Variants in WDR53 observed in about 807,000 individuals in gnomAD.
WDR53 encodes the protein WD repeat-containing protein 53.
Under a neutral mutation model 21.3 loss-of-function variants are expected in WDR53, and 19 were observed. That is an observed-to-expected ratio of 0.89 (90% CI 0.62 to 1.31). The LOEUF (loss-of-function observed/expected upper bound fraction) is 1.31. WDR53 is among the 50% of genes most tolerant of loss of function. The pLI is 0.00. For missense variants in WDR53, 374 were observed against 423.2 expected (o/e 0.88, Z 1.02); for synonymous variants, 157 against 163.4 (o/e 0.96, Z 0.30).
chr3:196,559,812 A>G (rs2108689210), intron 3 of WDR53, among the ~76,000 whole-genome samples: 1 of 152,340 alleles, frequency 6.6e-6, no homozygotes, highest in South Asian at 2.1e-4. Flanking sequence ...CTTTGGAGCC[A>G]GAGAGATTGA....
At chr3:196,567,404 G>C in intron 1 of WDR53, 97 bp from the exon 2 acceptor site, 1 of 354,666 alleles carries the variant, frequency 2.8e-6, no homozygotes, top group South Asian at 2.1e-5. Context: ...TGAATCAGAG[G>C]GTAGGGAAGG....
Position 196,564,397 on chromosome 3 carries a change from T to TC in WDR53, c.-17+2479_-17+2480insG, listed in dbSNP as rs1553872895. 5.9e-4 allele frequency among the ~76,000 whole-genome samples: 77 copies of TC among 129,648 alleles called. 4 individuals carry two copies. The highest frequency in any genetic ancestry group is 2.2e-3 in the Admixed American group (29 of 13,312). The allele number at this position is 129,648 out of a possible 152,430, so 85.1% of individuals were successfully genotyped here. On this transcript the variant is annotated intron_variant, in intron 2 of 3. Coordinates refer to ENST00000332629, the MANE Select transcript of WDR53 (RefSeq NM_182627.3). ...GATTTCAATTTTTTTTCTTTTTTCT[T>TC]TTTTTTTTTTTTTTGAGACAGGGTC...
rs773453245 is a variant in WDR53, at chr3:196,561,095, T to C, written c.381A>G (p.Lys127=). ...AATGTCTCTTCAAGGATCTGATAACTTTCTTGTTTTCCAAGTCTAGGATTT... is the reference window on the plus strand; with the variant it reads ...AATGTCTCTTCAAGGATCTGATAACCTTCTTGTTTTCCAAGTCTAGGATTT... The part of the protein sequence containing the change: ...AIKILDLENK[K]VIRSLKRHSN... Residue 127 remains lysine (K), a synonymous_variant, in exon 3 of 4, where the codon AAA becomes AAG. Coordinates refer to ENST00000332629, the MANE Select transcript of WDR53 (RefSeq NM_182627.3). The C allele has an allele frequency of 6.2e-7, 1 of 1,614,246 alleles. No individual in the cohort carries two copies. The highest frequency in any genetic ancestry group is 1.6e-4 in the Middle Eastern group (1 of 6,062).
intron 3 of WDR53, among the ~76,000 whole-genome samples, chr3:196,559,158 G>A (rs905020364): frequency 1.3e-5 from 2 of 152,222 alleles, no homozygotes; most frequent in Non-Finnish European, 2.9e-5. Context: ...ATGACAGAAT[G>A]ACTACTCAAA....
At position 196,554,329 on chromosome 3, in the gene WDR53, T is replaced by C. The variant is rs1168122250; in HGVS notation, c.959A>G (p.Asn320Ser). The C allele has an allele frequency of 6.2e-7, 1 of 1,614,084 alleles. No individual in the cohort carries two copies. The highest frequency in any genetic ancestry group is 1.3e-5 in the African/African-American group (1 of 74,930). ...GTTCACTTTTTCTCCATGTTCAATA[T>C]TTAGCTTTGGTAAAATGTTGCCATG... is the stretch of plus-strand genomic sequence containing the variant. ...EEHGNILPKL[N>S]IEHGEKVNWL... The change falls in exon 4 of 4, where the codon AAT becomes AGT. Residue 320 changes from asparagine to serine, a missense_variant. Physicochemically the swap from Asn to Ser is conservative, Grantham distance 46 (BLOSUM62 1). Coordinates refer to ENST00000332629, the MANE Select transcript of WDR53 (RefSeq NM_182627.3).
chr3:196,568,167 G>A (rs992027916), intron 1 of WDR53, among the ~76,000 whole-genome samples: 36 of 152,164 alleles, frequency 2.4e-4, no homozygotes, highest in Non-Finnish European at 4.6e-4. Context: ...GTTTGGGCGA[G>A]GGGGTGTTCA....
At chr3:196,563,894 T>G (rs1735120601) in intron 2 of WDR53, among the ~76,000 whole-genome samples, 1 of 152,114 alleles carries the variant, frequency 6.6e-6, no homozygotes, top group Non-Finnish European at 1.5e-5. Flanking sequence ...TAGTCACACA[T>G]ACGATCACTA....
chr3:196,561,976 T>C (rs7626039), intron 2 of WDR53, among the ~76,000 whole-genome samples: 68,241 of 151,976 alleles, frequency 0.45, 15,949 homozygotes, highest in Middle Eastern at 0.53. Context: ...AGGATAATAA[T>C]GACACTCATT....
At chr3:196,557,077 G>T (rs1488541104) in intron 3 of WDR53, among the ~76,000 whole-genome samples, 3 of 116,688 alleles carry the variant, frequency 2.6e-5, no homozygotes, top group Non-Finnish European at 3.7e-5. Context: ...GATACTGAAA[G>T]AAAAGAATAA....
chr3:196,561,189 T>C lies in WDR53; in HGVS notation c.287A>G (p.Glu96Gly). Residue 96 changes from glutamate to glycine, a missense_variant, in exon 3 of 4, where the codon GAA becomes GGA. Physicochemically the swap from Glu to Gly is moderately conservative, Grantham distance 98. Coordinates refer to ENST00000332629, the MANE Select transcript of WDR53 (RefSeq NM_182627.3). ...TTGATTCAATGAAAGACAATTGATT[T>C]CTTCTTCATTCACATGAAAATGGTC... ...SLDHFHVNEEEINCLSLNQTE... is the reference protein window; with the variant it reads ...SLDHFHVNEEGINCLSLNQTE... 1.2e-6 allele frequency: 2 copies of C among 1,614,234 alleles called. No homozygotes were observed. The highest frequency in any genetic ancestry group is 1.7e-6 in the Non-Finnish European group (2 of 1,180,042).
At position 196,561,233 on chromosome 3, in the gene WDR53, C is replaced by T. The variant is rs765268014; in HGVS notation, c.243G>A (p.Arg81=). ...AATGGTCCAAGGAATCTTTGAGGGA[C>T]CTGACATCCAGTACACTAATGGTTT... ...HGETISVLDV[R]SLKDSLDHFH... is the part of the protein sequence containing the mutation. Residue 81 remains arginine (R), a synonymous_variant, in exon 3 of 4, where the codon AGG becomes AGA. Coordinates refer to ENST00000332629, the MANE Select transcript of WDR53 (RefSeq NM_182627.3). 2 of 1,614,168 alleles carry T rather than the reference C, an allele frequency of 1.2e-6. No homozygotes were observed. The highest frequency in any genetic ancestry group is 1.7e-6 in the Non-Finnish European group (2 of 1,180,036).
chr3:196,567,737 T>G (rs1029297553), intron 1 of WDR53, among the ~76,000 whole-genome samples: 1 of 143,400 alleles, frequency 7.0e-6, no homozygotes, highest in Non-Finnish European at 1.5e-5. Flanking sequence ...TATAATCAAA[T>G]AATGCTGAAA....
chr3:196,561,037 G>A lies in WDR53; in HGVS notation c.439C>T (p.Gln147Ter), dbSNP rs1734787664. 6 of 1,614,144 alleles carry A rather than the reference G, an allele frequency of 3.7e-6. No homozygotes were observed. The highest frequency in any genetic ancestry group is 5.1e-6 in the Non-Finnish European group (6 of 1,180,002). ...NICSSVAFRP[Q>*]RPQSLVSCGL... ...CATGACACCAGGCTCTGAGGCCTCT[G>A]AGGCCGAAAAGCCACTGAGGAGCAG... The change falls in exon 3 of 4, where the codon CAG becomes TAG. Residue 147 changes from glutamine (Q) to a stop codon, truncating the protein, a stop_gained. Transcript: ENST00000332629. LOFTEE classifies it high-confidence loss of function.
chr3:196,559,064 A>G lies in WDR53; in HGVS notation c.480+1932T>C, dbSNP rs111699696. On this transcript the variant is annotated intron_variant, in intron 3 of 3. Transcript: ENST00000332629. ...CCATTCCTCATCTAATCTGAAAAGTACACATCACTTTTGCGTACCCAATTG... is the reference window on the plus strand; with the variant it reads ...CCATTCCTCATCTAATCTGAAAAGTGCACATCACTTTTGCGTACCCAATTG... Among the ~76,000 whole-genome samples the G allele has an allele frequency of 1.5e-3, 225 of 152,362 alleles. 1 individual carries two copies. Among genetic ancestry groups the G allele is most frequent in the African/African-American group, 5.3e-3 (220 of 41,596 alleles).
intron 2 of WDR53, among the ~76,000 whole-genome samples, chr3:196,565,984 A>T (rs1463151192): frequency 6.6e-6 from 1 of 152,264 alleles, no homozygotes; most frequent in Non-Finnish European, 1.5e-5. Context: ...CGTTAAGCAC[A>T]GCAGTTAATC....
chr3:196,558,896 C>A (rs1734572882), intron 3 of WDR53, among the ~76,000 whole-genome samples: 1 of 152,222 alleles, frequency 6.6e-6, no homozygotes, highest in Non-Finnish European at 1.5e-5. Context: ...GAACCTTTAG[C>A]AATTTTACCA....
rs191731254 is a variant in WDR53, at chr3:196,561,327, C to T, written c.149G>A (p.Gly50Glu). The T allele has an allele frequency of 2.3e-4, 368 of 1,614,114 alleles. No homozygotes were observed. The highest frequency in any genetic ancestry group is 1.0e-4 in the Non-Finnish European group (123 of 1,180,020). ...GTPLGHTRFQ[G>E]ADDVTSVLFS... is the part of the protein sequence containing the mutation. ...TAAGACACTGGTAACATCATCAGCCCCTTGGAACCGCGTGTGTCCTAATGG... is the reference window on the plus strand; with the variant it reads ...TAAGACACTGGTAACATCATCAGCCTCTTGGAACCGCGTGTGTCCTAATGG... The change falls in exon 3 of 4, where the codon GGG becomes GAG. Residue 50 changes from glycine to glutamate, a missense_variant. Physicochemically the swap from Gly to Glu is moderately conservative, Grantham distance 98. Coordinates refer to ENST00000332629, the MANE Select transcript of WDR53 (RefSeq NM_182627.3).
At position 196,565,262 on chromosome 3, in the gene WDR53, T is replaced by TAA. The variant is rs538382754; in HGVS notation, c.-17+1613_-17+1614dup. Among the ~76,000 whole-genome samples the TAA allele has an allele frequency of 9.6e-3, 1,380 of 144,324 alleles. 49 individuals are homozygous for TAA. The highest frequency in any genetic ancestry group is 0.069 in the South Asian group (315 of 4,582). The allele number at this position is 144,324 out of a possible 152,430, so 94.7% of individuals were successfully genotyped here. ...AATAAATAACTGTTACTGGGAATGTTAAAAAAAAAAAAAAGGCAGGGGCCA... is the reference window on the plus strand; with the variant it reads ...AATAAATAACTGTTACTGGGAATGTTAAAAAAAAAAAAAAAAGGCAGGGGCCA... On this transcript the variant is annotated intron_variant, in intron 2 of 3. Coordinates refer to ENST00000332629, the MANE Select transcript of WDR53 (RefSeq NM_182627.3).
chr3:196,562,803 T>G (rs192703416), intron 2 of WDR53, among the ~76,000 whole-genome samples: 194 of 152,320 alleles, frequency 1.3e-3, no homozygotes, highest in African/African-American at 3.3e-3. Context: ...CCAAGGTCAC[T>G]TGACTCTTAG....
Sources: gnomAD v4.1 joint callset for allele counts (sites outside exome capture counted in the v4.1 genomes callset) on GRCh38, gnomAD v4.1.1 for gene constraint, MANE v1.5 for transcripts, NCBI Gene and HGNC (gene_info 2026-07-23, HGNC 2026-07-21) for gene names.